The following MCF2 variants were observed in gnomAD, a reference collection of about 807,000 sequenced individuals.
MCF2 encodes the protein proto-oncogene DBL.
MCF2 carries 44 observed loss-of-function variants against 82.5 expected under a neutral mutation model. The observed-to-expected ratio is 0.53, with a 90% CI of 0.42 to 0.69. The LOEUF (loss-of-function observed/expected upper bound fraction) is 0.69. MCF2 is among the 30% of genes least tolerant of loss of function. The pLI is 0.00. For synonymous variants in MCF2, 217 were observed against 224.9 expected (o/e 0.96, Z 0.32); for missense variants, 623 against 663.1 (o/e 0.94, Z 0.66).
At chrX:139,591,251 G>T (rs1005136297) in intron 19 of MCF2, among the ~76,000 whole-genome samples, 3 of 110,619 alleles carry the variant, frequency 2.7e-5, no homozygotes, top group African/African-American at 9.8e-5. Flanking sequence ...TATTTCATAG[G>T]GTTGATATAA....
chrX:139,583,438 T>C (rs1037169271), intron 24 of MCF2, among the ~76,000 whole-genome samples: 2 of 111,955 alleles, frequency 1.8e-5, no homozygotes, highest in African/African-American at 6.5e-5. Context: ...AATGCAATCA[T>C]GTCCTTTGCA....
chrX:139,674,307 T>G (rs1054631084), intron 1 of MCF2, among the ~76,000 whole-genome samples: 1 of 112,019 alleles, frequency 8.9e-6, no homozygotes, highest in Non-Finnish European at 1.9e-5. Context: ...AATTGGAGCA[T>G]TTAGCCCATT....
chrX:139,675,024 C>A (rs760094121), intron 1 of MCF2, among the ~76,000 whole-genome samples: 1 of 111,983 alleles, frequency 8.9e-6, no homozygotes, highest in East Asian at 2.8e-4. Flanking sequence ...TTTGTTTTCA[C>A]TCTTTTTTCT....
chrX:139,690,632 C>T (rs1935239340), intron 1 of MCF2, among the ~76,000 whole-genome samples: 1 of 111,153 alleles, frequency 9.0e-6, no homozygotes. Flanking sequence ...TGAATTAATT[C>T]CTCTGGTCTA....
intron 19 of MCF2, among the ~76,000 whole-genome samples, chrX:139,592,930 T>A (rs1212596817): frequency 2.7e-5 from 3 of 111,977 alleles, no homozygotes; most frequent in Non-Finnish European, 5.6e-5. Context: ...CATGCCTGTC[T>A]CAAAACATAT....
intron 19 of MCF2, among the ~76,000 whole-genome samples, chrX:139,594,009 A>T (rs1929794438): frequency 9.0e-6 from 1 of 111,211 alleles, no homozygotes; most frequent in Non-Finnish European, 1.9e-5. Context: ...CTAGGAATCC[A>T]ACTTACAAGG....
At chrX:139,593,712 G>A (rs1339192174) in intron 19 of MCF2, among the ~76,000 whole-genome samples, 1 of 111,264 alleles carries the variant, frequency 9.0e-6, no homozygotes, top group African/African-American at 3.3e-5. Flanking sequence ...TTCATCCCTG[G>A]GATGCAAGGC....
At chrX:139,626,801 C>T in intron 4 of MCF2, 45 bp from the exon 8 acceptor site, 2 of 1,103,782 alleles carry the variant, frequency 1.8e-6, no homozygotes, top group Non-Finnish European at 2.5e-6. Flanking sequence ...AGTAATCCAA[C>T]CTGAATGATG....
chrX:139,703,893 A>G (rs1935545350), intron 1 of MCF2, among the ~76,000 whole-genome samples: 1 of 112,222 alleles, frequency 8.9e-6, no homozygotes, highest in African/African-American at 3.2e-5. Context: ...GCAAAATGAG[A>G]TTATTCAAAA....
At chrX:139,611,405 A>G (rs1372571749) in intron 10 of MCF2, among the ~76,000 whole-genome samples, 1 of 112,391 alleles carries the variant, frequency 8.9e-6, no homozygotes. Context: ...GAATACTAAT[A>G]TGCTCCACTT....
intron 2 of MCF2, among the ~76,000 whole-genome samples, chrX:139,648,153 C>T (rs1305265246): frequency 1.8e-5 from 2 of 111,623 alleles, no homozygotes; most frequent in South Asian, 3.8e-4. Context: ...CAGAGGATCA[C>T]TTGAGGTCAG....
In MCF2 at chrX:139,624,250, A is replaced by G. The variant is rs187276727; in HGVS notation, c.687+1943T>C. 1.5e-3 allele frequency among the ~76,000 whole-genome samples: 172 copies of G among 111,460 alleles called. 1 individual carries two copies. Among genetic ancestry groups the G allele is most frequent in the Non-Finnish European group, 2.6e-3 (139 of 53,021 alleles). ...AGAAAAATGCATTTCAAAAGGGACT[A>G]TGGCTGGGCATGAGTCCTTATAGCT... On this transcript the variant is annotated intron_variant, in intron 6 of 24. Coordinates refer to ENST00000370576, the Ensembl canonical transcript of MCF2.
chrX:139,664,590 G>T (rs753862224), intron 1 of MCF2, among the ~76,000 whole-genome samples: 2 of 112,251 alleles, frequency 1.8e-5, no homozygotes, highest in Admixed American at 9.4e-5. Context: ...CTGGCCCAGG[G>T]CATGTCCAGA....
chrX:139,630,647 T>C (rs888683567), intron 3 of MCF2, among the ~76,000 whole-genome samples: 1 of 112,205 alleles, frequency 8.9e-6, no homozygotes, highest in Non-Finnish European at 1.9e-5. Context: ...ATGAATGAAA[T>C]GTTGAGTGAA....
intron 1 of MCF2, among the ~76,000 whole-genome samples, chrX:139,636,197 C>G (rs1419344776): frequency 1.8e-5 from 2 of 110,741 alleles, no homozygotes; most frequent in South Asian, 7.7e-4. Context: ...CTTGTGGGAA[C>G]TTTTGGCCTA....
intron 11 of MCF2, among the ~76,000 whole-genome samples, chrX:139,608,050 T>C (rs1459431144): frequency 8.9e-6 from 1 of 112,040 alleles, no homozygotes; most frequent in Admixed American, 9.5e-5. Context: ...GGTTGATTCA[T>C]AAAAAGTTAA....
At chrX:139,648,346 T>C (rs1320787855) in intron 2 of MCF2, among the ~76,000 whole-genome samples, 2 of 110,046 alleles carry the variant, frequency 1.8e-5, no homozygotes. Flanking sequence ...CACTCCAGCC[T>C]GGACAACAGA....
intron 1 of MCF2, among the ~76,000 whole-genome samples, chrX:139,634,467 T>C (rs1446751066): frequency 9.0e-6 from 1 of 111,691 alleles, no homozygotes; most frequent in Non-Finnish European, 1.9e-5. Context: ...AAACTGGGGA[T>C]TTTCCTAATT....
chrX:139,702,611 C>T (rs1284979806), intron 1 of MCF2, among the ~76,000 whole-genome samples: 1 of 112,812 alleles, frequency 8.9e-6, no homozygotes, highest in Non-Finnish European at 1.9e-5. Context: ...TAACGGAATA[C>T]TGTGAACAAA....
Sources: gnomAD v4.1 joint callset for allele counts (sites outside exome capture counted in the v4.1 genomes callset) on GRCh38, gnomAD v4.1.1 for gene constraint, MANE v1.5 for transcripts, NCBI Gene and HGNC (gene_info 2026-07-23, HGNC 2026-07-21) for gene names.